GABRB3: variants seen among roughly 807,000 people sequenced by gnomAD.
The protein encoded by GABRB3 is gamma-aminobutyric acid type A receptor subunit beta3, also known as gamma-aminobutyric acid receptor subunit beta-3.
In GABRB3, 14 loss-of-function variants were observed where a neutral mutation model predicts 52.1. The ratio of observed to expected loss-of-function variants is 0.27; its 90% CI spans 0.18 to 0.42. The LOEUF is 0.42. Ranked by LOEUF, GABRB3 falls within the 10% of genes least tolerant of loss-of-function variation. GABRB3 has a pLI of 1.00. For synonymous variants in GABRB3, 260 were observed against 232.3 expected, an observed-to-expected ratio of 1.12 and a Z score of -1.08; for missense variants, 307 against 609.1, an observed-to-expected ratio of 0.50 and a Z score of 5.22.
At chr15:26,669,319 C>T (rs1312965824) in intron 3 of GABRB3, among the ~76,000 whole-genome samples, 1 of 152,154 alleles carries the variant, frequency 6.6e-6, no homozygotes, top group Non-Finnish European at 1.5e-5. Context: ...GCTGCATGTT[C>T]GCTAAGTGTG....
At chr15:26,555,526 T>C (rs1889720914) in intron 8 of GABRB3, among the ~76,000 whole-genome samples, 1 of 152,186 alleles carries the variant, frequency 6.6e-6, no homozygotes, top group South Asian at 2.1e-4. Flanking sequence ...CCTTGAACTC[T>C]AGTGAAGGAA....
intron 4 of GABRB3, among the ~76,000 whole-genome samples, chr15:26,606,776 A>ATATC (rs374800068): frequency 1.6e-4 from 19 of 118,406 alleles, no homozygotes; most frequent in East Asian, 8.0e-4. Context: ...ATCTATAGAT[A>ATATC]GATAGATATA....
At chr15:26,641,666 G>A (rs1893204483) in intron 3 of GABRB3, among the ~76,000 whole-genome samples, 2 of 152,162 alleles carry the variant, frequency 1.3e-5, no homozygotes, top group African/African-American at 2.4e-5. Context: ...CACTTACCAT[G>A]CCGACACTAC....
At chr15:26,608,500 A>G (rs1483452053) in intron 4 of GABRB3, among the ~76,000 whole-genome samples, 1 of 152,122 alleles carries the variant, frequency 6.6e-6, no homozygotes, top group African/African-American at 2.4e-5. Flanking sequence ...TGAATACTAT[A>G]CAAAGACAAC....
In GABRB3 at chr15:26,568,993, C is replaced by A. The variant is rs532425678; in HGVS notation, c.683-1260G>T. Among the ~76,000 whole-genome samples, 7 of 152,244 alleles carry A rather than the reference C, an allele frequency of 4.6e-5. No homozygotes were observed. The South Asian group carries it at 1.2e-3, about 27-fold the overall frequency. On this transcript the variant is annotated intron_variant, in intron 6 of 8. Coordinates refer to ENST00000311550, the MANE Select transcript of GABRB3 (RefSeq NM_000814.6). ...TAATCAGCTCCTCTGATTGCTCCCCCACACTAGCAGGTGCCTTCTTTCTGA... is the reference window on the plus strand; with the variant it reads ...TAATCAGCTCCTCTGATTGCTCCCCAACACTAGCAGGTGCCTTCTTTCTGA...
intron 3 of GABRB3, among the ~76,000 whole-genome samples, chr15:26,720,551 T>C (rs1401592512): frequency 1.3e-5 from 2 of 152,178 alleles, no homozygotes; most frequent in Admixed American, 1.3e-4. Flanking sequence ...TTTTAAAAAT[T>C]GGCAACTGTA....
intron 3 of GABRB3, among the ~76,000 whole-genome samples, chr15:26,652,948 G>A (rs1012581567): frequency 1.3e-5 from 2 of 152,142 alleles, no homozygotes; most frequent in Non-Finnish European, 2.9e-5. Flanking sequence ...TTAGTGGATT[G>A]TTTTGAGTAC....
At chr15:26,617,705 G>A (rs1892312600) in intron 4 of GABRB3, among the ~76,000 whole-genome samples, 1 of 151,932 alleles carries the variant, frequency 6.6e-6, no homozygotes, top group South Asian at 2.1e-4. Flanking sequence ...TATTCAATTA[G>A]GAAAAGAGGA....
intron 8 of GABRB3, among the ~76,000 whole-genome samples, chr15:26,549,278 G>A (rs573685035): frequency 1.3e-5 from 2 of 152,328 alleles, no homozygotes; most frequent in East Asian, 3.9e-4. Flanking sequence ...GGTGAGAGGA[G>A]TCCTGCCTGA....
At chr15:26,642,676 C>A in intron 3 of GABRB3, 1 of 385,322 alleles carries the variant, frequency 2.6e-6, no homozygotes, top group Non-Finnish European at 5.3e-6. Flanking sequence ...CACACACACA[C>A]CAAAGCAGCA....
At chr15:26,603,462 AAAAC>A (rs1386186404) in intron 4 of GABRB3, among the ~76,000 whole-genome samples, 2 of 152,048 alleles carry the variant, frequency 1.3e-5, no homozygotes, top group Non-Finnish European at 2.9e-5. Flanking sequence ...AACAAAAAAT[AAAAC>A]AAACAAAAAA....
At chr15:26,686,148 T>C (rs747162032) in intron 3 of GABRB3, among the ~76,000 whole-genome samples, 2 of 152,004 alleles carry the variant, frequency 1.3e-5, no homozygotes, top group Non-Finnish European at 2.9e-5. Flanking sequence ...TCTTGCTATG[T>C]TGCCTAGGCT....
intron 6 of GABRB3, among the ~76,000 whole-genome samples, chr15:26,573,968 T>C (rs1333105613): frequency 2.0e-5 from 3 of 152,194 alleles, no homozygotes; most frequent in African/African-American, 7.2e-5. Flanking sequence ...AGAGGATCTC[T>C]TGAGCCCAGG....
chr15:26,579,107 A>C (rs1375192477), intron 6 of GABRB3, among the ~76,000 whole-genome samples: 1 of 152,110 alleles, frequency 6.6e-6, no homozygotes, highest in East Asian at 1.9e-4. Flanking sequence ...GAGAGGAGGG[A>C]ACGTTGCTGG....
At chr15:26,720,631 A>G (rs769509749) in intron 3 of GABRB3, among the ~76,000 whole-genome samples, 1 of 152,200 alleles carries the variant, frequency 6.6e-6, no homozygotes, top group African/African-American at 2.4e-5. Flanking sequence ...TCTCTTAGGA[A>G]TACCAAGAGT....
At chr15:26,607,380 G>A (rs1363546256) in intron 4 of GABRB3, among the ~76,000 whole-genome samples, 2 of 152,052 alleles carry the variant, frequency 1.3e-5, no homozygotes, top group Non-Finnish European at 2.9e-5. Flanking sequence ...AGAGTAACCT[G>A]AGCAACATAA....
At chr15:26,681,445 C>A (rs1595527273) in intron 3 of GABRB3, among the ~76,000 whole-genome samples, 1 of 152,152 alleles carries the variant, frequency 6.6e-6, no homozygotes. Context: ...TTCTGCCTCA[C>A]GTTGTGTCTG....
intron 3 of GABRB3, among the ~76,000 whole-genome samples, chr15:26,738,486 C>CT (rs982793301): frequency 6.6e-6 from 1 of 152,076 alleles, no homozygotes; most frequent in African/African-American, 2.4e-5. Context: ...ATTATAATTC[C>CT]TTTTTTTGGC....
At chr15:26,641,192 T>G (rs1306882025) in intron 3 of GABRB3, among the ~76,000 whole-genome samples, 1 of 152,178 alleles carries the variant, frequency 6.6e-6, no homozygotes, top group African/African-American at 2.4e-5. Context: ...CAGCCCATTA[T>G]CAAATATACC....
Sources: gnomAD v4.1 joint callset for allele counts (sites outside exome capture counted in the v4.1 genomes callset) on GRCh38, gnomAD v4.1.1 for gene constraint, MANE v1.5 for transcripts, NCBI Gene and HGNC (gene_info 2026-07-23, HGNC 2026-07-21) for gene names.